Variants in KLHL28 observed in about 807,000 individuals in gnomAD.
KLHL28 encodes the protein kelch like family member 28, also known as kelch-like protein 28.
In KLHL28, 22 loss-of-function variants were observed where a neutral mutation model predicts 48.3. The ratio of observed to expected loss-of-function variants is 0.46; its 90% CI spans 0.33 to 0.65. The LOEUF (loss-of-function observed/expected upper bound fraction) is 0.65, where lower values mean the gene tolerates loss of function less well. KLHL28 is among the 30% of genes least tolerant of loss of function. The probability of loss-of-function intolerance (pLI) is 0.03; values close to 1 mark genes in which losing one functional copy is unlikely to be tolerated. For synonymous variants in KLHL28, 243 were observed against 242.4 expected, an observed-to-expected ratio of 1.00 and a Z score of -0.02; for missense variants, 527 against 704.3, an observed-to-expected ratio of 0.75 and a Z score of 2.85.
chr14:44,954,526 G>A (rs1884717385), intron 1 of KLHL28, among the ~76,000 whole-genome samples: 1 of 152,106 alleles, frequency 6.6e-6, no homozygotes, highest in Non-Finnish European at 1.5e-5. Flanking sequence ...AAGGAATGAG[G>A]AATCTCTGTA....
intron 2 of KLHL28, among the ~76,000 whole-genome samples, chr14:44,938,176 G>A (rs1010259472): frequency 6.6e-6 from 1 of 152,172 alleles, no homozygotes; most frequent in East Asian, 1.9e-4. Context: ...ATATATAAGC[G>A]AGAGTCAAGG....
intron 1 of KLHL28, among the ~76,000 whole-genome samples, chr14:44,950,611 TG>T (rs1292580781): frequency 6.6e-6 from 1 of 152,172 alleles, no homozygotes; most frequent in African/African-American, 2.4e-5. Context: ...TTTAAGAGAC[TG>T]GGCTTTGGTA....
intron 1 of KLHL28, among the ~76,000 whole-genome samples, chr14:44,948,272 G>C (rs1236071571): frequency 6.6e-6 from 1 of 152,084 alleles, no homozygotes; most frequent in Non-Finnish European, 1.5e-5. Flanking sequence ...TGAGGTTTTT[G>C]AGGATCAAAT....
Position 44,931,533 on chromosome 14 carries a change from C to T in KLHL28, c.1352G>A (p.Arg451His), listed in dbSNP as rs80059988. ...CCAGGAGTCCTTACTTGGATCATAA[C>T]GCTCCACACTGCAAATATTTAAAAA... The part of the protein sequence containing the change: ...YGPAHMNSVE[R>H]YDPSKDSWEM... The change falls in exon 4 of 5, where the codon CGT (arginine) becomes CAT (histidine). Residue 451 changes from arginine (R) to histidine (H), a missense_variant. Physicochemically the swap from Arg to His is conservative, Grantham distance 29. Coordinates refer to ENST00000396128, the MANE Select transcript of KLHL28 (RefSeq NM_017658.5). The T allele has an allele frequency of 8.7e-4, 1,402 of 1,610,756 alleles. 23 individuals are homozygous for T. In the East Asian group the frequency reaches 0.026, roughly 29 times the overall value.
chr14:44,958,729 C>A (rs545454614), intron 1 of KLHL28, among the ~76,000 whole-genome samples: 10 of 151,566 alleles, frequency 6.6e-5, no homozygotes, highest in Non-Finnish European at 1.5e-4. Flanking sequence ...TTATGACAGG[C>A]GTCTAAGTTA....
In KLHL28 at chr14:44,931,476, A is replaced by G; in HGVS notation, c.1409T>C (p.Ile470Thr). The change falls in exon 4 of 5, where the codon ATT (isoleucine) becomes ACT (threonine). Residue 470 changes from isoleucine (I) to threonine (T), a missense_variant. Physicochemically the swap from Ile to Thr is moderately conservative, Grantham distance 89 (BLOSUM62 -1). Coordinates refer to ENST00000396128, the MANE Select transcript of KLHL28 (RefSeq NM_017658.5). ...TAGCATGACACCCACGCCAAAGTGA[A>G]TCCTTTTATCTGCCATGGATGCAAC... is the stretch of plus-strand genomic sequence containing the variant. Reference protein sequence around the residue: ...EMVASMADKRIHFGVGVMLGF... With the variant: ...EMVASMADKRTHFGVGVMLGF... 1 of 1,614,080 alleles carries G rather than the reference A, an allele frequency of 6.2e-7. No homozygotes were observed. The highest frequency in any genetic ancestry group is 8.5e-7 in the Non-Finnish European group (1 of 1,179,982).
intron 3 of KLHL28, 101 bp downstream of exon 3, chr14:44,934,014 A>C: frequency 1.2e-6 from 1 of 855,694 alleles, no homozygotes; most frequent in Non-Finnish European, 1.8e-6. Context: ...AAATGCCGGA[A>C]GTTCATTCAT....
intron 2 of KLHL28, among the ~76,000 whole-genome samples, chr14:44,935,363 G>A (rs924364921): frequency 7.9e-5 from 12 of 152,164 alleles, no homozygotes; most frequent in African/African-American, 2.7e-4. Context: ...GAACTGGTTT[G>A]TAATGTTTAC....
chr14:44,929,933 T>A (rs1312999263), intron 4 of KLHL28, among the ~76,000 whole-genome samples: 1 of 152,234 alleles, frequency 6.6e-6, no homozygotes, highest in African/African-American at 2.4e-5. Flanking sequence ...TTCCATAGGC[T>A]ATTTTTTTTT....
chr14:44,932,750 C>A (rs1387507204), intron 3 of KLHL28, among the ~76,000 whole-genome samples: 2 of 152,178 alleles, frequency 1.3e-5, no homozygotes, highest in Non-Finnish European at 2.9e-5. Flanking sequence ...ATTTAAAATA[C>A]TTAACCTTTT....
chr14:44,935,171 G>A (rs1309978659), intron 2 of KLHL28, among the ~76,000 whole-genome samples: 2 of 152,160 alleles, frequency 1.3e-5, no homozygotes, highest in Admixed American at 6.5e-5. Context: ...GCTACATGTC[G>A]CTGGGGGAAT....
intron 2 of KLHL28, among the ~76,000 whole-genome samples, chr14:44,938,872 C>G (rs1418178676): frequency 1.3e-5 from 2 of 152,198 alleles, no homozygotes; most frequent in Non-Finnish European, 2.9e-5. Flanking sequence ...ACTACTTGCA[C>G]TACAGTTCTG....
intron 3 of KLHL28, 103 bp downstream of exon 3, chr14:44,934,012 G>C: frequency 1.2e-6 from 1 of 844,002 alleles, no homozygotes; most frequent in South Asian, 1.9e-5. Context: ...CCAAATGCCG[G>C]AAGTTCATTC....
At chr14:44,961,522 G>A (rs1885098466) in intron 1 of KLHL28, 1 of 151,996 alleles carries the variant, frequency 6.6e-6, no homozygotes, top group Admixed American at 6.6e-5. Flanking sequence ...GCGGCCGGAG[G>A]GTTAAGAGAA....
intron 2 of KLHL28, among the ~76,000 whole-genome samples, chr14:44,936,692 T>C (rs898145558): frequency 6.6e-6 from 1 of 152,202 alleles, no homozygotes; most frequent in Non-Finnish European, 1.5e-5. Flanking sequence ...TACATTCTGC[T>C]GCTCAGATGT....
chr14:44,931,087 C>T (rs1883565956), intron 4 of KLHL28, among the ~76,000 whole-genome samples: 1 of 152,112 alleles, frequency 6.6e-6, no homozygotes, highest in South Asian at 2.1e-4. Context: ...ATAAGCATTT[C>T]CCAAAATGTA....
intron 2 of KLHL28, among the ~76,000 whole-genome samples, chr14:44,937,148 CTTT>C (rs1157419168): frequency 2.9e-5 from 4 of 139,694 alleles, no homozygotes; most frequent in Non-Finnish European, 4.7e-5. Flanking sequence ...TTGTTTTTTT[CTTT>C]TTTTTTTTTT....
At chr14:44,958,606 T>C (rs1158896956) in intron 1 of KLHL28, among the ~76,000 whole-genome samples, 1 of 152,126 alleles carries the variant, frequency 6.6e-6, no homozygotes, top group African/African-American at 2.4e-5. Flanking sequence ...ATCTGAGATT[T>C]GACTTTTATT....
intron 1 of KLHL28, among the ~76,000 whole-genome samples, chr14:44,955,926 T>C (rs1027450258): frequency 6.6e-6 from 1 of 152,218 alleles, no homozygotes; most frequent in Non-Finnish European, 1.5e-5. Context: ...TAATAATAAC[T>C]GCAATTGATT....
Sources: allele counts gnomAD v4.1 joint callset (sites outside exome capture counted in the v4.1 genomes callset), GRCh38; gene constraint gnomAD v4.1.1; transcripts MANE v1.5; gene names NCBI Gene and HGNC (gene_info 2026-07-23, HGNC 2026-07-21).